Variants in SMCHD1 observed in about 807,000 individuals in gnomAD.
The protein encoded by SMCHD1 is structural maintenance of chromosomes flexible hinge domain-containing protein 1.
SMCHD1 carries 78 observed loss-of-function variants against 254.7 expected under a neutral mutation model. The ratio of observed to expected loss-of-function variants is 0.31; its 90% CI spans 0.26 to 0.37. SMCHD1 has a LOEUF of 0.37. Ranked by LOEUF, SMCHD1 falls within the 10% of genes least tolerant of loss-of-function variation. The pLI is 1.00. For synonymous variants in SMCHD1, 766 were observed against 794.9 expected, an observed-to-expected ratio of 0.96 and a Z score of 0.61; for missense variants, 1,840 against 2,408.1, an observed-to-expected ratio of 0.76 and a Z score of 4.94.
chr18:2,697,497 A>G (rs192703370), intron 9 of SMCHD1, among the ~76,000 whole-genome samples: 87 of 152,316 alleles, frequency 5.7e-4, no homozygotes, highest in Admixed American at 4.0e-3. Context: ...TGGATTCTCA[A>G]TCCTCTAACC....
chr18:2,802,611 C>G lies in SMCHD1; in HGVS notation c.*59C>G, dbSNP rs957513416. ...TAAGAATGCCCTGCTTTCTGCATCT[C>G]TGTTTCAGAAGACCAAGAGGGTGAC... On this transcript the variant is annotated 3_prime_UTR_variant, in exon 48 of 48. Transcript: ENST00000320876. 27 of 1,474,814 alleles carry G rather than the reference C, an allele frequency of 1.8e-5. No homozygotes were observed. The highest frequency in any genetic ancestry group is 2.5e-5 in the Non-Finnish European group (27 of 1,095,164). 91.4% of individuals were successfully genotyped at this position (1,474,814 alleles called of 1,614,324 possible).
chr18:2,712,748 C>T (rs1318042756), intron 17 of SMCHD1, among the ~76,000 whole-genome samples: 1 of 152,324 alleles, frequency 6.6e-6, no homozygotes, highest in East Asian at 1.9e-4. Context: ...CACTCTTGCA[C>T]TGCTCCAGCT....
At chr18:2,711,316 C>T (rs1027146070) in intron 17 of SMCHD1, among the ~76,000 whole-genome samples, 10 of 150,298 alleles carry the variant, frequency 6.7e-5, no homozygotes, top group Admixed American at 2.7e-4. Context: ...CCAGGCTAGT[C>T]TCAAACTCAT....
In SMCHD1 at chr18:2,752,524, GA is replaced by G; in HGVS notation, c.4319del (p.Asp1440AlafsTer13). The G allele has an allele frequency of 6.3e-7, 1 of 1,594,100 alleles. No individual in the cohort carries two copies. Among genetic ancestry groups the G allele is most frequent in the Non-Finnish European group, 8.6e-7 (1 of 1,162,644 alleles). Reference protein sequence around the residue: ...TFSCNKIKDNDKEDGCFYFRD... With the variant: ...TFSCNKIKDNXKEDGCFYFRD... ...TAGTTGTAATAAAATAAAAGATAAT[GA>G]CAAAGAAGATGGCTGCTTCTATTTC... On this transcript the variant is annotated frameshift_variant, in exon 34 of 48. Transcript: ENST00000320876. LOFTEE classifies it high-confidence loss of function.
intron 17 of SMCHD1, among the ~76,000 whole-genome samples, chr18:2,710,369 T>C (rs1211155766): frequency 2.0e-5 from 3 of 152,170 alleles, no homozygotes; most frequent in African/African-American, 7.2e-5. Flanking sequence ...TTTGGCTATT[T>C]GGGTCCATGG....
chr18:2,732,495 A>G lies in SMCHD1; in HGVS notation c.3276+3A>G. On this transcript the variant is annotated splice_donor_region_variant and intron_variant, in intron 25 of 47. Transcript: ENST00000320876. Reference sequence around the variant, plus strand: ...CAGCTTTAGCAGAAAAAATTAAAGTAAGTATCTCTAACAGATTGGTTATTT... The same window carrying G: ...CAGCTTTAGCAGAAAAAATTAAAGTGAGTATCTCTAACAGATTGGTTATTT... 1.3e-6 allele frequency: 2 copies of G among 1,547,380 alleles called. No homozygotes were observed. The highest frequency in any genetic ancestry group is 1.1e-5 in the South Asian group (1 of 87,452).
intron 28 of SMCHD1, among the ~76,000 whole-genome samples, chr18:2,741,503 G>A (rs968877838): frequency 1.3e-5 from 2 of 152,102 alleles, no homozygotes; most frequent in Non-Finnish European, 2.9e-5. Context: ...TCTTAACAGA[G>A]CAGTCACAAA....
intron 45 of SMCHD1, among the ~76,000 whole-genome samples, chr18:2,792,399 G>A (rs1249495281): frequency 6.6e-6 from 1 of 152,184 alleles, no homozygotes; most frequent in Non-Finnish European, 1.5e-5. Context: ...ATACCATGTA[G>A]GTTTGTGTAA....
intron 19 of SMCHD1, among the ~76,000 whole-genome samples, chr18:2,720,804 A>G (rs1423880031): frequency 1.3e-5 from 2 of 152,170 alleles, no homozygotes; most frequent in Non-Finnish European, 2.9e-5. Flanking sequence ...TAAAATACAG[A>G]CAGGGTCTCA....
At chr18:2,788,300 G>A (rs1327965338) in intron 45 of SMCHD1, among the ~76,000 whole-genome samples, 2 of 152,066 alleles carry the variant, frequency 1.3e-5, no homozygotes, top group Non-Finnish European at 1.5e-5. Flanking sequence ...AAAATATTAC[G>A]TTGCAGACAC....
At chr18:2,795,258 C>T (rs1228786197) in intron 45 of SMCHD1, among the ~76,000 whole-genome samples, 2 of 151,984 alleles carry the variant, frequency 1.3e-5, no homozygotes, top group Non-Finnish European at 2.9e-5. Flanking sequence ...GGGGTTTCAC[C>T]GTGTTAGCCA....
Position 2,728,452 on chromosome 18 carries a change from G to A in SMCHD1, c.2774-5G>A. The A allele has an allele frequency of 6.2e-7, 1 of 1,611,764 alleles. No homozygotes were observed. Among genetic ancestry groups the A allele is most frequent in the Non-Finnish European group, 8.5e-7 (1 of 1,178,894 alleles). ...TATGTATTTCATTGTATAATTTACT[G>A]TTAGGTCACCCTCGTCGACTGAAAG... is the stretch of plus-strand genomic sequence containing the variant. On this transcript the variant is annotated splice_polypyrimidine_tract_variant and splice_region_variant and intron_variant, in intron 22 of 47. Transcript: ENST00000320876.
chr18:2,728,212 T>C (rs1435638910), intron 22 of SMCHD1, among the ~76,000 whole-genome samples: 1 of 152,128 alleles, frequency 6.6e-6, no homozygotes, highest in African/African-American at 2.4e-5. Flanking sequence ...CACTGTGTTG[T>C]ACCTTGTGGA....
In SMCHD1 at chr18:2,796,496, A is replaced by C; in HGVS notation, c.5968A>C (p.Arg1990=). 1 of 1,600,694 alleles carries C rather than the reference A, an allele frequency of 6.2e-7. No individual in the cohort carries two copies. The highest frequency in any genetic ancestry group is 2.2e-5 in the East Asian group (1 of 44,662). Residue 1990 remains arginine (R), a synonymous_variant, in exon 47 of 48, where the codon AGA becomes CGA. Transcript: ENST00000320876. Reference sequence around the variant, plus strand: ...TTGTCCAGTTCCTCCTAAAAGAATGAGACGAGAAGCTACAAGACAAAATAG... The same window carrying C: ...TTGTCCAGTTCCTCCTAAAAGAATGCGACGAGAAGCTACAAGACAAAATAG... ...TDCPVPPKRM[R]REATRQNRII...
chr18:2,789,004 T>G (rs1408509538), intron 45 of SMCHD1, among the ~76,000 whole-genome samples: 3 of 148,932 alleles, frequency 2.0e-5, no homozygotes, highest in Non-Finnish European at 4.5e-5. Context: ...ATCACAGCTT[T>G]GTTTTTCTTT....
At chr18:2,769,925 TTA>T in intron 38 of SMCHD1, 62 bp from the exon 39 acceptor site, 1 of 1,532,514 alleles carries the variant, frequency 6.5e-7, no homozygotes, top group East Asian at 2.4e-5. Flanking sequence ...TCTAACCACT[TTA>T]TGACATATTT....
At chr18:2,759,913 A>G (rs1394838424) in intron 34 of SMCHD1, among the ~76,000 whole-genome samples, 2 of 152,162 alleles carry the variant, frequency 1.3e-5, no homozygotes, top group Non-Finnish European at 2.9e-5. Flanking sequence ...TTACCATCTC[A>G]GAGAAAACAA....
intron 1 of SMCHD1, among the ~76,000 whole-genome samples, 188 bp downstream of exon 1, chr18:2,656,449 C>T (rs914377324): frequency 5.9e-5 from 9 of 152,232 alleles, no homozygotes; most frequent in African/African-American, 2.2e-4. Flanking sequence ...GGGCCCTGGC[C>T]CGGGCCTCGA....
intron 37 of SMCHD1, among the ~76,000 whole-genome samples, chr18:2,765,924 G>A (rs1030791827): frequency 6.6e-6 from 1 of 151,992 alleles, no homozygotes; most frequent in Non-Finnish European, 1.5e-5. Context: ...GTTGGAAGAA[G>A]ACATCTAGTC....
Sources: allele counts gnomAD v4.1 joint callset (sites outside exome capture counted in the v4.1 genomes callset), GRCh38; gene constraint gnomAD v4.1.1; transcripts MANE v1.5; gene names NCBI Gene and HGNC (gene_info 2026-07-23, HGNC 2026-07-21).